The following POGZ variants were observed in gnomAD, a reference collection of about 807,000 sequenced individuals.
The protein encoded by POGZ is pogo transposable element with ZNF domain.
POGZ carries 17 observed loss-of-function variants against 134.6 expected under a neutral mutation model. The ratio of observed to expected loss-of-function variants is 0.13; its 90% CI spans 0.09 to 0.19. The LOEUF (loss-of-function observed/expected upper bound fraction) is 0.19. Among genes scored for constraint, POGZ ranks in the 10% least tolerant of loss-of-function variants. POGZ has a pLI of 1.00. For synonymous variants in POGZ, 693 were observed against 657.1 expected (o/e 1.05, Z -0.84); for missense variants, 1,306 against 1,769.7 (o/e 0.74, Z 4.70).
chr1:151,423,858 G>T (rs1571429739), intron 9 of POGZ, 91 bp downstream of exon 9: 2 of 968,764 alleles, frequency 2.1e-6, no homozygotes, highest in African/African-American at 1.6e-5. Context: ...TAGTAGTTAG[G>T]TCCATTCTCC....
At chr1:151,440,893 G>A (rs1423995017) in intron 3 of POGZ, 35 bp downstream of exon 3, 2 of 1,589,244 alleles carry the variant, frequency 1.3e-6, no homozygotes, top group Non-Finnish European at 1.7e-6. Flanking sequence ...CACCCCTCTA[G>A]CCCAGGATTA....
intron 10 of POGZ, among the ~76,000 whole-genome samples, chr1:151,416,210 CAAAAAA>C (rs1212371839): frequency 8.9e-4 from 38 of 42,780 alleles, no homozygotes; most frequent in African/African-American, 2.2e-3. Context: ...AACTCCATCT[CAAAAAA>C]AAAAAAAAAA....
In POGZ at chr1:151,406,188, G is replaced by A. The variant is rs1266759511; in HGVS notation, c.2847C>T (p.Ser949=). Residue 949 remains serine, a synonymous_variant, in exon 19 of 19, where the codon AGC becomes AGT. Transcript: ENST00000271715. ...CLNVDDQDEG[S]PVTQEPELAS... ...CTAGCTCAGGTTCTTGGGTGACTGG[G>A]CTCCCTTCATCCTGATCATCAACAT... is the stretch of plus-strand genomic sequence containing the variant. The A allele has an allele frequency of 6.2e-7, 1 of 1,614,144 alleles. No individual in the cohort carries two copies. Among genetic ancestry groups the A allele is most frequent in the East Asian group, 2.2e-5 (1 of 44,886 alleles).
In POGZ at chr1:151,458,143, G is replaced by A. The variant is rs150208460; in HGVS notation, c.-2+1009C>T. 1.4e-3 allele frequency among the ~76,000 whole-genome samples: 218 copies of A among 152,172 alleles called. 1 individual carries two copies. The highest frequency in any genetic ancestry group is 0.013 in the Admixed American group (202 of 15,268). On this transcript the variant is annotated intron_variant, in intron 1 of 18. Transcript: ENST00000271715. ...CACTACCTTTTTCTGAACTAAGAAT[G>A]TCTAAGACAAGTGCTACTAGCAGTT...
intron 10 of POGZ, 44 bp from the exon 11 acceptor site, chr1:151,412,440 C>T (rs373598027): frequency 2.4e-5 from 25 of 1,055,800 alleles, no homozygotes; most frequent in Middle Eastern, 2.1e-4. Flanking sequence ...GAAAATAAGA[C>T]AAAAGTCCTG....
intron 10 of POGZ, among the ~76,000 whole-genome samples, chr1:151,421,006 T>TATATATATATAC (rs112815385): frequency 8.7e-5 from 13 of 149,644 alleles, no homozygotes; most frequent in African/African-American, 3.2e-4. Context: ...TATATATATA[T>TATATATATATAC]ACCTATGATA....
At chr1:151,417,696 AC>A (rs1286317743) in intron 10 of POGZ, among the ~76,000 whole-genome samples, 2 of 117,158 alleles carry the variant, frequency 1.7e-5, no homozygotes, top group African/African-American at 7.3e-5. Context: ...GGCCACACAC[AC>A]ACACACACAC....
At chr1:151,438,601 T>A (rs1243222358) in intron 3 of POGZ, among the ~76,000 whole-genome samples, 1 of 151,890 alleles carries the variant, frequency 6.6e-6, no homozygotes, top group Non-Finnish European at 1.5e-5. Flanking sequence ...TGGCCTGGCA[T>A]GGTGGCTCAC....
Position 151,404,786 on chromosome 1 carries a change from C to T in POGZ, c.*16G>A, listed in dbSNP as rs774043161. On this transcript the variant is annotated 3_prime_UTR_variant, in exon 19 of 19. Transcript: ENST00000271715. ...TGTTCCCACCCTCACTCCACACCCC[C>T]TCATGACCCCAACACTCAAATCTCC... The T allele has an allele frequency of 2.3e-5, 36 of 1,582,798 alleles. No individual in the cohort carries two copies. In the African/African-American group the frequency reaches 4.3e-4, roughly 19 times the overall value.
At chr1:151,421,552 G>C (rs1008669227) in intron 10 of POGZ, among the ~76,000 whole-genome samples, 2 of 152,168 alleles carry the variant, frequency 1.3e-5, no homozygotes, top group African/African-American at 4.8e-5. Context: ...TAAGAAAACA[G>C]ATTCAAGAAA....
intron 10 of POGZ, among the ~76,000 whole-genome samples, 175 bp from the exon 11 acceptor site, chr1:151,412,571 T>C (rs1480707924): frequency 6.6e-6 from 1 of 152,208 alleles, no homozygotes; most frequent in Non-Finnish European, 1.5e-5. Flanking sequence ...TTGCTGATAA[T>C]CTTATGTACG....
At position 151,403,494 on chromosome 1, in the gene POGZ, G is replaced by GT. The variant is rs1177251996; in HGVS notation, c.*1307dup. On this transcript the variant is annotated 3_prime_UTR_variant, in exon 19 of 19. Transcript: ENST00000271715. ...AGCCTCAGGATAAACAGAAGACTTG[G>GT]TTTTTTGCTCCTTTTCTCTGTACGG... The GT allele has an allele frequency of 1.0e-6, 1 of 985,608 alleles. No homozygotes were observed. The highest frequency in any genetic ancestry group is 1.7e-5 in the African/African-American group (1 of 57,200). The allele number at this position is 985,608 out of a possible 1,614,324, so 61.1% of individuals were successfully genotyped here.
At chr1:151,447,115 G>A (rs1295336384) in intron 1 of POGZ, among the ~76,000 whole-genome samples, 1 of 152,116 alleles carries the variant, frequency 6.6e-6, no homozygotes, top group Non-Finnish European at 1.5e-5. Context: ...GCTGGGCGCG[G>A]TGGCTCAAGC....
intron 3 of POGZ, among the ~76,000 whole-genome samples, chr1:151,438,034 C>G (rs1467200764): frequency 6.6e-6 from 1 of 151,926 alleles, no homozygotes; most frequent in African/African-American, 2.4e-5. Context: ...CACTGTGAAA[C>G]TCCATCTCTA....
chr1:151,425,983 G>A (rs1441068601), intron 7 of POGZ, among the ~76,000 whole-genome samples: 2 of 152,104 alleles, frequency 1.3e-5, no homozygotes, highest in Non-Finnish European at 2.9e-5. Context: ...GTGCGTAAGG[G>A]TTCTGCTTTC....
Position 151,411,602 on chromosome 1 carries a change from GGGA to G in POGZ, c.1926+20_1926+22del. The G allele has an allele frequency of 6.5e-7, 1 of 1,538,830 alleles. No homozygotes were observed. The highest frequency in any genetic ancestry group is 1.2e-5 in the South Asian group (1 of 83,696). ...AAAAAAAAAAAAAACAAGAGAATAT[GGGA>G]ATTGCTTGGTGCCTAGTACCTGGTG... On this transcript the variant is annotated intron_variant, in intron 12 of 18. Transcript: ENST00000271715.
At position 151,406,999 on chromosome 1, in the gene POGZ, T is replaced by A. The variant is rs757066665; in HGVS notation, c.2457A>T (p.Ser819=). The part of the protein sequence containing the change: ...SVSGIKLACT[S]CTFVTSVGDA... ...CGCCCACAGAGGTAACAAAGGTACATGAAGTGCAGGCCAGCTTGATTCCAC... is the reference window on the plus strand; with the variant it reads ...CGCCCACAGAGGTAACAAAGGTACAAGAAGTGCAGGCCAGCTTGATTCCAC... Residue 819 remains serine, a synonymous_variant, in exon 17 of 19, where the codon TCA becomes TCT. Coordinates refer to ENST00000271715, the MANE Select transcript of POGZ (RefSeq NM_015100.4). 3 of 1,613,942 alleles carry A rather than the reference T, an allele frequency of 1.9e-6. No homozygotes were observed. The highest frequency in any genetic ancestry group is 3.3e-5 in the Admixed American group (2 of 60,002).
At chr1:151,452,462 T>C (rs1662239639) in intron 1 of POGZ, among the ~76,000 whole-genome samples, 1 of 151,968 alleles carries the variant, frequency 6.6e-6, no homozygotes, top group African/African-American at 2.4e-5. Flanking sequence ...GTGATCCTCC[T>C]GCCTCAGCCT....
At position 151,412,330 on chromosome 1, in the gene POGZ, G is replaced by T; in HGVS notation, c.1745C>A (p.Thr582Asn). 6.2e-7 allele frequency: 1 copy of T among 1,607,322 alleles called. No homozygotes were observed. The highest frequency in any genetic ancestry group is 8.5e-7 in the Non-Finnish European group (1 of 1,174,108). ...ATAAGGCATCTCTCCAGGCTTATGA[G>T]TATCCTTCATATGCTGGAGAAATAG... is the stretch of plus-strand genomic sequence containing the variant. ...EPLFLQHMKD[T>N]HKPGEMPYVC... Residue 582 changes from threonine (T) to asparagine (N), a missense_variant, in exon 11 of 19, where the codon ACT (threonine) becomes AAT (asparagine). Thr to Asn is a moderately conservative substitution (Grantham distance 65). Around this residue, in one of 10 missense-constraint regions of POGZ, gnomAD observed 149 missense variants for 237.5 expected, o/e 0.63. Transcript: ENST00000271715.
Sources: gnomAD v4.1 joint callset for allele counts (sites outside exome capture counted in the v4.1 genomes callset) on GRCh38, gnomAD v4.1.1 for gene constraint, gnomAD v4.1.1 regional missense constraint, MANE v1.5 for transcripts, NCBI Gene and HGNC (gene_info 2026-07-23, HGNC 2026-07-21) for gene names.